Variants in ZFHX3 observed in about 807,000 individuals in gnomAD.
ZFHX3 encodes the protein zinc finger homeobox 3.
Under a neutral mutation model 279.1 loss-of-function variants are expected in ZFHX3, and 42 were observed. The ratio of observed to expected loss-of-function variants is 0.15; its 90% CI spans 0.12 to 0.19. The LOEUF (loss-of-function observed/expected upper bound fraction) is 0.19. Ranked by LOEUF, ZFHX3 falls within the 10% of genes least tolerant of loss-of-function variation. The pLI is 1.00. For missense variants in ZFHX3, 4,981 were observed against 4,754.0 expected, an observed-to-expected ratio of 1.05 and a Z score of -1.40; for synonymous variants, 2,293 against 1,957.8, an observed-to-expected ratio of 1.17 and a Z score of -4.52.
At chr16:73,611,178 G>A (rs2052241624) in intron 2 of ZFHX3, among the ~76,000 whole-genome samples, 1 of 152,084 alleles carries the variant, frequency 6.6e-6, no homozygotes, top group Non-Finnish European at 1.5e-5. Flanking sequence ...TTTGATGACT[G>A]TCCACAAGCT....
At chr16:72,836,219 G>A (rs1487061716) in intron 4 of ZFHX3, among the ~76,000 whole-genome samples, 1 of 152,136 alleles carries the variant, frequency 6.6e-6, no homozygotes, top group Non-Finnish European at 1.5e-5. Context: ...CTCCCTCTGT[G>A]ACTTTCGAGC....
intron 1 of ZFHX3, among the ~76,000 whole-genome samples, chr16:73,856,942 T>C (rs1247129104): frequency 1.3e-5 from 2 of 152,242 alleles, no homozygotes; most frequent in Non-Finnish European, 2.9e-5. Flanking sequence ...CAGGAACGAA[T>C]GTCCAACGTG....
intron 2 of ZFHX3, among the ~76,000 whole-genome samples, chr16:73,476,256 GT>G (rs998930510): frequency 6.6e-6 from 1 of 151,970 alleles, no homozygotes; most frequent in African/African-American, 2.4e-5. Context: ...TTAACGTAAA[GT>G]TTTTTTGAGC....
intron 2 of ZFHX3, among the ~76,000 whole-genome samples, chr16:73,485,324 C>G (rs1397535131): frequency 6.6e-6 from 1 of 151,378 alleles, no homozygotes; most frequent in Non-Finnish European, 1.5e-5. Flanking sequence ...CAAGGGAATA[C>G]TGGCCCCCAT....
rs536163997 is a variant in ZFHX3 at position 73,403,383 on chromosome 16, T to G, written c.-1291+52620A>C. 1.4e-4 allele frequency among the ~76,000 whole-genome samples: 21 copies of G among 152,310 alleles called. No individual in the cohort carries two copies. In the South Asian group the frequency reaches 4.1e-3, roughly 30 times the overall value. On this transcript the variant is annotated intron_variant, in intron 3 of 17. Transcript: ENST00000641206. Reference sequence around the variant, plus strand: ...CCACCATATCCTGTCATTTCCAACCTGGATGCATCAACATTAGCCCGCTTT... The same window carrying G: ...CCACCATATCCTGTCATTTCCAACCGGGATGCATCAACATTAGCCCGCTTT...
chr16:72,875,606 G>C (rs544355719), intron 4 of ZFHX3, among the ~76,000 whole-genome samples: 3 of 152,120 alleles, frequency 2.0e-5, no homozygotes, highest in Non-Finnish European at 4.4e-5. Flanking sequence ...AAACCATTCC[G>C]CCCATAAAAA....
At chr16:73,627,590 T>A (rs2052429579) in intron 2 of ZFHX3, among the ~76,000 whole-genome samples, 1 of 152,190 alleles carries the variant, frequency 6.6e-6, no homozygotes, top group Non-Finnish European at 1.5e-5. Flanking sequence ...TTCATATTAA[T>A]GATCACAAGG....
At chr16:73,875,597 C>A (rs895069222) in intron 1 of ZFHX3, among the ~76,000 whole-genome samples, 1 of 151,922 alleles carries the variant, frequency 6.6e-6, no homozygotes, top group African/African-American at 2.4e-5. Flanking sequence ...TTGAAATATA[C>A]CCTGAGATTC....
chr16:73,726,360 G>A (rs368500324), intron 1 of ZFHX3, among the ~76,000 whole-genome samples: 2 of 152,232 alleles, frequency 1.3e-5, no homozygotes. Context: ...GGTTTAAGGT[G>A]GTATCTGCAA....
intron 1 of ZFHX3, among the ~76,000 whole-genome samples, chr16:73,762,994 A>AT (rs953527684): frequency 6.6e-6 from 1 of 152,044 alleles, no homozygotes; most frequent in Non-Finnish European, 1.5e-5. Context: ...TATTAATAAA[A>AT]TTTTTTTTAA....
chr16:73,448,167 T>C (rs2018219703), intron 3 of ZFHX3, among the ~76,000 whole-genome samples: 1 of 152,174 alleles, frequency 6.6e-6, no homozygotes, highest in South Asian at 2.1e-4. Context: ...AAGAAACTTC[T>C]TCACATTAAG....
At chr16:73,884,230 T>C (rs1482585134) in intron 1 of ZFHX3, among the ~76,000 whole-genome samples, 1 of 152,200 alleles carries the variant, frequency 6.6e-6, no homozygotes, top group African/African-American at 2.4e-5. Context: ...TATGATTTTG[T>C]ACCTACTGAT....
At chr16:72,876,744 T>A (rs1052662760) in intron 4 of ZFHX3, among the ~76,000 whole-genome samples, 1 of 152,234 alleles carries the variant, frequency 6.6e-6, no homozygotes, top group African/African-American at 2.4e-5. Flanking sequence ...TTCAATTTTT[T>A]TCCCCCCTAA....
chr16:73,180,648 C>G (rs1967769455), intron 5 of ZFHX3, among the ~76,000 whole-genome samples: 1 of 152,054 alleles, frequency 6.6e-6, no homozygotes, highest in African/African-American at 2.4e-5. Context: ...GTATCACTTG[C>G]TTACTGTCAT....
Position 73,080,693 on chromosome 16 carries a change from C to T in ZFHX3, c.-533+12542G>A, listed in dbSNP as rs28675724. On this transcript the variant is annotated intron_variant, in intron 8 of 17. Transcript: ENST00000641206. The stretch of plus-strand genomic sequence containing the variant: ...GGCTCAAATGATCCTTCCACGTCAG[C>T]CTCCCCAGTAGCTGGGATTATCGGC... Among the ~76,000 whole-genome samples, 587 of 152,198 alleles carry T rather than the reference C, an allele frequency of 3.9e-3. 4 individuals are homozygous for T. Among genetic ancestry groups the T allele is most frequent in the African/African-American group, 0.013 (552 of 41,506 alleles).
intron 4 of ZFHX3, among the ~76,000 whole-genome samples, chr16:72,854,513 C>T (rs7185316): frequency 0.036 from 5,488 of 152,236 alleles, 310 homozygotes; most frequent in African/African-American, 0.13. Flanking sequence ...CCTGCCACTC[C>T]CATTCTGGCT....
chr16:73,653,946 A>T (rs1044983500), intron 2 of ZFHX3, among the ~76,000 whole-genome samples: 10 of 152,200 alleles, frequency 6.6e-5, no homozygotes, highest in Admixed American at 6.5e-5. Flanking sequence ...GCACTTTGAG[A>T]GGCCGAGGCG....
At chr16:73,296,875 GA>G (rs2014925208) in intron 4 of ZFHX3, among the ~76,000 whole-genome samples, 1 of 81,838 alleles carries the variant, frequency 1.2e-5, no homozygotes, top group Non-Finnish European at 2.4e-5. Context: ...TGTGAAGCAG[GA>G]ATTTTTTTTT....
At chr16:73,483,639 C>T (rs2018913732) in intron 2 of ZFHX3, among the ~76,000 whole-genome samples, 1 of 151,974 alleles carries the variant, frequency 6.6e-6, no homozygotes, top group Non-Finnish European at 1.5e-5. Flanking sequence ...AGCTAATGAC[C>T]CATAATTGCC....
Sources: gnomAD v4.1 joint callset for allele counts (sites outside exome capture counted in the v4.1 genomes callset) on GRCh38, gnomAD v4.1.1 for gene constraint, MANE v1.5 for transcripts, NCBI Gene and HGNC (gene_info 2026-07-23, HGNC 2026-07-21) for gene names.